The following MACROD2 variants were observed in gnomAD, a reference collection of about 807,000 sequenced individuals.
MACROD2 encodes the protein ADP-ribose glycohydrolase MACROD2.
Under a neutral mutation model 70.4 loss-of-function variants are expected in MACROD2, and 36 were observed. That is an observed-to-expected ratio of 0.51 (90% CI 0.39 to 0.68). The LOEUF (loss-of-function observed/expected upper bound fraction) is 0.68. Among genes scored for constraint, MACROD2 ranks in the 30% least tolerant of loss-of-function variants. MACROD2 has a pLI of 0.00. For synonymous variants in MACROD2, 172 were observed against 178.8 expected, an observed-to-expected ratio of 0.96 and a Z score of 0.30; for missense variants, 496 against 538.4, an observed-to-expected ratio of 0.92 and a Z score of 0.78.
intron 8 of MACROD2, among the ~76,000 whole-genome samples, chr20:15,647,093 C>T (rs534049211): frequency 2.0e-5 from 3 of 152,262 alleles, no homozygotes; most frequent in Admixed American, 6.5e-5. Context: ...TAAATGAATG[C>T]GTACTCTTTG....
chr20:15,413,961 A>G (rs996981642), intron 6 of MACROD2, among the ~76,000 whole-genome samples: 2 of 152,204 alleles, frequency 1.3e-5, no homozygotes, highest in Admixed American at 1.3e-4. Flanking sequence ...ATATATGTTA[A>G]CGTACATGTG....
intron 5 of MACROD2, among the ~76,000 whole-genome samples, chr20:15,042,925 CATGGCACGGAACTTTAAGCTCA>C (rs1454062274): frequency 2.0e-5 from 3 of 152,320 alleles, no homozygotes; most frequent in Admixed American, 6.5e-5. Flanking sequence ...ATTCTGCTGA[CATGGCACGGAACTTTAAGCTCA>C]ATGGTTTAGG....
chr20:15,597,022 C>A (rs2048754846), intron 8 of MACROD2, among the ~76,000 whole-genome samples: 2 of 152,162 alleles, frequency 1.3e-5, no homozygotes, highest in African/African-American at 4.8e-5. Context: ...AAGGTATGAT[C>A]CCTTAAAGAA....
At chr20:15,406,830 A>T (rs1435723104) in intron 6 of MACROD2, among the ~76,000 whole-genome samples, 1 of 152,200 alleles carries the variant, frequency 6.6e-6, no homozygotes, top group Non-Finnish European at 1.5e-5. Context: ...CTCATTAAGT[A>T]CCCTGGCCCT....
At chr20:14,517,971 T>G (rs2085121596) in intron 4 of MACROD2, among the ~76,000 whole-genome samples, 1 of 152,150 alleles carries the variant, frequency 6.6e-6, no homozygotes, top group Admixed American at 6.5e-5. Flanking sequence ...AGTACTGTTT[T>G]CTTTTTTGTA....
At chr20:14,768,226 A>C (rs2072117443) in intron 5 of MACROD2, among the ~76,000 whole-genome samples, 1 of 152,100 alleles carries the variant, frequency 6.6e-6, no homozygotes, top group African/African-American at 2.4e-5. Context: ...TGTCTTCCAC[A>C]ATGGCTGAAG....
intron 4 of MACROD2, among the ~76,000 whole-genome samples, chr20:14,573,799 T>C (rs958232869): frequency 6.6e-6 from 1 of 152,144 alleles, no homozygotes; most frequent in Non-Finnish European, 1.5e-5. Context: ...AAAAAATGTA[T>C]AGCTGCTGGT....
At chr20:15,032,600 G>C (rs942682492) in intron 5 of MACROD2, among the ~76,000 whole-genome samples, 3 of 152,338 alleles carry the variant, frequency 2.0e-5, no homozygotes, top group Middle Eastern at 6.8e-3. Flanking sequence ...ATTTTTGACC[G>C]TCACTCTAAC....
intron 6 of MACROD2, among the ~76,000 whole-genome samples, chr20:15,385,411 A>C (rs76445613): frequency 0.059 from 8,980 of 152,262 alleles, 356 homozygotes; most frequent in Admixed American, 0.098. Context: ...GTCCCAGAGA[A>C]GGCCTGAGGC....
chr20:14,557,373 A>C (rs1412883971), intron 4 of MACROD2, among the ~76,000 whole-genome samples: 1 of 151,924 alleles, frequency 6.6e-6, no homozygotes, highest in East Asian at 1.9e-4. Context: ...AGATACATAC[A>C]CTGGACTTTA....
At chr20:14,540,971 C>T (rs951991693) in intron 4 of MACROD2, among the ~76,000 whole-genome samples, 1 of 152,210 alleles carries the variant, frequency 6.6e-6, no homozygotes, top group African/African-American at 2.4e-5. Context: ...CTTACTTCAC[C>T]TGGCAATATC....
intron 4 of MACROD2, among the ~76,000 whole-genome samples, chr20:14,669,804 A>G (rs1405734493): frequency 6.6e-6 from 1 of 151,964 alleles, no homozygotes; most frequent in Non-Finnish European, 1.5e-5. Context: ...TGGTCTCTGA[A>G]GGAGACTTCC....
intron 4 of MACROD2, among the ~76,000 whole-genome samples, chr20:14,496,874 C>A (rs534179621): frequency 4.6e-5 from 7 of 151,724 alleles, no homozygotes; most frequent in African/African-American, 1.7e-4. Context: ...ATTTTTTTGA[C>A]AAACTTTCCA....
chr20:15,862,864 G>A, intron 9 of MACROD2, 38 bp downstream of exon 9: 16 of 1,488,074 alleles, frequency 1.1e-5, no homozygotes, highest in Non-Finnish European at 1.5e-5. Context: ...TCAAATTGAG[G>A]ATGGAAGAAG....
chr20:14,229,697 A>G (rs933471903), intron 3 of MACROD2, among the ~76,000 whole-genome samples: 3 of 152,214 alleles, frequency 2.0e-5, no homozygotes, highest in Non-Finnish European at 2.9e-5. Flanking sequence ...TCCAGCACAC[A>G]TGCTTCTAGT....
chr20:15,765,966 G>A (rs1477684276), intron 8 of MACROD2, among the ~76,000 whole-genome samples: 1 of 152,170 alleles, frequency 6.6e-6, no homozygotes, highest in Non-Finnish European at 1.5e-5. Context: ...GAGAGAGAAA[G>A]AGAGAGATAA....
intron 4 of MACROD2, among the ~76,000 whole-genome samples, chr20:14,539,228 T>G (rs1430575554): frequency 1.3e-5 from 2 of 152,338 alleles, no homozygotes. Context: ...AATCTCATTT[T>G]TTTCTTTTAT....
rs1555794550 is a variant in MACROD2, at chr20:15,227,833, T to TTG, written c.419-2106_419-2105insGT. Among the ~76,000 whole-genome samples the TTG allele has an allele frequency of 3.6e-4, 35 of 97,466 alleles. 3 individuals carry two copies. The highest frequency in any genetic ancestry group is 8.7e-4 in the African/African-American group (19 of 21,754). The allele number at this position is 97,466 out of a possible 152,430, so 63.9% of individuals were successfully genotyped here. ...GATAGAATTTCACCTGTTTTTTTTT[T>TTG]TTTTTTTTTTTTTTTTCAAATTTAA... is the stretch of plus-strand genomic sequence containing the variant. On this transcript the variant is annotated intron_variant, in intron 5 of 17. Transcript: ENST00000684519.
rs554268470 is a variant in MACROD2, at chr20:14,981,028, G to GTGTA, written c.419-248909_419-248908insATGT. On this transcript the variant is annotated intron_variant, in intron 5 of 17. Transcript: ENST00000684519. ...GGATCCTTTACAAAAAGAAGTGTGT[G>GTGTA]TGTGTGTGTGTGTGTGTGTGTGTGC... 1.9e-3 allele frequency among the ~76,000 whole-genome samples: 269 copies of GTGTA among 142,564 alleles called. 3 individuals are homozygous for GTGTA. Among genetic ancestry groups the GTGTA allele is most frequent in the African/African-American group, 6.8e-3 (260 of 38,272 alleles). 93.5% of individuals were successfully genotyped at this position (142,564 alleles called of 152,430 possible). A position where few individuals can be genotyped will look rare whatever the true frequency, so the allele number is the denominator to read the frequency against.
Sources: allele counts gnomAD v4.1 joint callset (sites outside exome capture counted in the v4.1 genomes callset), GRCh38; gene constraint gnomAD v4.1.1; transcripts MANE v1.5; gene names NCBI Gene and HGNC (gene_info 2026-07-23, HGNC 2026-07-21).